The following ANKS6 variants were observed in gnomAD, a reference collection of about 807,000 sequenced individuals.
The protein encoded by ANKS6 is ankyrin repeat and sterile alpha motif domain containing 6, also known as ankyrin repeat and SAM domain-containing protein 6.
ANKS6 carries 47 observed loss-of-function variants against 77.9 expected under a neutral mutation model. The observed-to-expected ratio is 0.60, with a 90% confidence interval of 0.48 to 0.77. The LOEUF is 0.77. Among genes scored for constraint, ANKS6 ranks in the 30% least tolerant of loss-of-function variants. The pLI, the probability that ANKS6 is intolerant of heterozygous loss-of-function variation, is 0.00. For synonymous variants in ANKS6, 488 were observed against 501.7 expected (o/e 0.97, Z 0.37); for missense variants, 1,150 against 1,159.1 (o/e 0.99, Z 0.11).
At chr9:98,783,110 G>GAAGGAA (rs1834367283) in intron 4 of ANKS6, among the ~76,000 whole-genome samples, 1 of 133,598 alleles carries the variant, frequency 7.5e-6, no homozygotes, top group Non-Finnish European at 1.6e-5. Flanking sequence ...AAAGAGAAGG[G>GAAGGAA]AAGGAAAAGG....
At position 98,736,333 on chromosome 9, in the gene ANKS6, T is replaced by C; in HGVS notation, c.*186A>G. Reference sequence around the variant, plus strand: ...ACTGTTACATGGGAATCTGTCTCTGTGTGTTGAAGTTTGTTGCAGCAAGAA... The same window carrying C: ...ACTGTTACATGGGAATCTGTCTCTGCGTGTTGAAGTTTGTTGCAGCAAGAA... On this transcript the variant is annotated 3_prime_UTR_variant, in exon 15 of 15. Transcript: ENST00000353234. 7.1e-7 allele frequency: 1 copy of C among 1,417,678 alleles called. No individual in the cohort carries two copies. The highest frequency in any genetic ancestry group is 9.2e-7 in the Non-Finnish European group (1 of 1,090,082). The allele number at this position is 1,417,678 out of a possible 1,614,324, so 87.8% of individuals were successfully genotyped here.
intron 13 of ANKS6, among the ~76,000 whole-genome samples, chr9:98,749,513 C>T (rs529358427): frequency 1.3e-5 from 2 of 152,302 alleles, no homozygotes; most frequent in Admixed American, 6.5e-5. Context: ...CAGGTGAACT[C>T]GCAGACATGC....
intron 11 of ANKS6, among the ~76,000 whole-genome samples, chr9:98,766,008 G>A (rs1187445641): frequency 2.0e-5 from 3 of 152,286 alleles, no homozygotes; most frequent in East Asian, 1.9e-4. Context: ...GGACTGGGCT[G>A]GTTCCAACAG....
chr9:98,753,668 T>C (rs191409108), intron 12 of ANKS6, among the ~76,000 whole-genome samples: 1 of 150,750 alleles, frequency 6.6e-6, no homozygotes, highest in Non-Finnish European at 1.5e-5. Flanking sequence ...CCAATTTCCA[T>C]GGTGTAAATA....
intron 13 of ANKS6, among the ~76,000 whole-genome samples, chr9:98,747,907 T>A (rs1473370149): frequency 6.6e-6 from 1 of 152,226 alleles, no homozygotes; most frequent in Admixed American, 6.5e-5. Context: ...CTCCTCCTGA[T>A]GGACTGGCCT....
chr9:98,773,718 C>T (rs1833760937), intron 9 of ANKS6, among the ~76,000 whole-genome samples, 159 bp downstream of exon 9: 1 of 152,062 alleles, frequency 6.6e-6, no homozygotes, highest in East Asian at 1.9e-4. Context: ...CTGAGTTGCT[C>T]TGTAGGGCTT....
At chr9:98,744,427 G>A (rs180914952) in intron 14 of ANKS6, among the ~76,000 whole-genome samples, 1 of 152,180 alleles carries the variant, frequency 6.6e-6, no homozygotes, top group Non-Finnish European at 1.5e-5. Context: ...CGCGTGACCT[G>A]GGCACCATGC....
intron 14 of ANKS6, among the ~76,000 whole-genome samples, chr9:98,737,009 G>A (rs1416468492): frequency 6.6e-6 from 1 of 152,190 alleles, no homozygotes; most frequent in African/African-American, 2.4e-5. Flanking sequence ...GGAGCCAAGT[G>A]TCCTTCTGCT....
Position 98,732,410 on chromosome 9 carries a change from C to A in ANKS6, c.*4109G>T. 2 of 1,369,886 alleles carry A rather than the reference C, an allele frequency of 1.5e-6. No individual in the cohort carries two copies. Among genetic ancestry groups the A allele is most frequent in the Non-Finnish European group, 2.0e-6 (2 of 995,002 alleles). The allele number at this position is 1,369,886 out of a possible 1,614,324, so 84.9% of individuals were successfully genotyped here. ...GCCATGCCAGGAAATCCAGTGACAG[C>A]AAGACCCAGAGTCAGGCACATTTGG... is the stretch of plus-strand genomic sequence containing the variant. On this transcript the variant is annotated 3_prime_UTR_variant, in exon 15 of 15. Coordinates refer to ENST00000353234, the MANE Select transcript of ANKS6 (RefSeq NM_173551.5).
chr9:98,777,518 G>A, intron 7 of ANKS6, 64 bp from the exon 8 acceptor site: 2 of 1,518,520 alleles, frequency 1.3e-6, no homozygotes, highest in South Asian at 2.3e-5. Context: ...AAGGATGAGT[G>A]ACTGGGGCAG....
rs563981295 is a variant in ANKS6 at position 98,784,632 on chromosome 9, T to C, written c.907+200A>G. The stretch of plus-strand genomic sequence containing the variant: ...AGACAGTGTTTGGCTGGAGTGGGGC[T>C]GGAGGCCGTCTGGAGTCTATGTGTA... On this transcript the variant is annotated intron_variant, in intron 3 of 14. Coordinates refer to ENST00000353234, the MANE Select transcript of ANKS6 (RefSeq NM_173551.5). 2.0e-5 allele frequency among the ~76,000 whole-genome samples: 3 copies of C among 152,306 alleles called. No individual in the cohort carries two copies. The East Asian group carries it at 5.8e-4, about 29-fold the overall frequency.
intron 11 of ANKS6, among the ~76,000 whole-genome samples, chr9:98,759,762 C>T (rs974700884): frequency 1.3e-5 from 2 of 152,112 alleles, no homozygotes; most frequent in African/African-American, 4.8e-5. Flanking sequence ...ACACTGCATA[C>T]TCTAACTCAT....
At chr9:98,764,741 T>C (rs556687164) in intron 11 of ANKS6, among the ~76,000 whole-genome samples, 1 of 152,384 alleles carries the variant, frequency 6.6e-6, no homozygotes, top group Admixed American at 6.5e-5. Flanking sequence ...TCCATCTCTC[T>C]ACTAAAATAG....
chr9:98,743,720 T>C (rs1831964030), intron 14 of ANKS6, among the ~76,000 whole-genome samples: 1 of 152,230 alleles, frequency 6.6e-6, no homozygotes, highest in African/African-American at 2.4e-5. Flanking sequence ...TGAAACTGAC[T>C]TCTGTGGCTT....
chr9:98,796,259 C>A lies in ANKS6; in HGVS notation c.233G>T (p.Gly78Val), dbSNP rs1365162900. Reference sequence around the variant, plus strand: ...CGCGGCGAACTGCAGTGCGGTGTTGCCCGCCTCGTCCGAGCAATCCACGGG... The same window carrying A: ...CGCGGCGAACTGCAGTGCGGTGTTGACCGCCTCGTCCGAGCAATCCACGGG... ...PVPVDCSDEA[G>V]NTALQFAAAG... Residue 78 changes from glycine to valine, a missense_variant, in exon 1 of 15, where the codon GGC becomes GTC. Physicochemically the swap from Gly to Val is moderately radical, Grantham distance 109. Coordinates refer to ENST00000353234, the MANE Select transcript of ANKS6 (RefSeq NM_173551.5). 5.9e-6 allele frequency: 8 copies of A among 1,366,030 alleles called. No homozygotes were observed. Among genetic ancestry groups the A allele is most frequent in the Non-Finnish European group, 7.6e-6 (8 of 1,054,326 alleles). The allele number at this position is 1,366,030 out of a possible 1,614,324, so 84.6% of individuals were successfully genotyped here. A position where few individuals can be genotyped will look rare whatever the true frequency, so the allele number is the denominator to read the frequency against.
In ANKS6 at chr9:98,768,001, T is replaced by C. The variant is rs543305200; in HGVS notation, c.2142+80A>G. On this transcript the variant is annotated intron_variant, in intron 11 of 14. Transcript: ENST00000353234. ...TAGTCCTGTCCCATGACTAAGGCAC[T>C]GCCCATGCTTCCCGGCAAGTGGCCC... is the stretch of plus-strand genomic sequence containing the variant. The C allele has an allele frequency of 3.3e-4, 497 of 1,502,022 alleles. 2 individuals are homozygous for C. In the African/African-American group the frequency reaches 6.6e-3, roughly 20 times the overall value. The allele number at this position is 1,502,022 out of a possible 1,614,324, so 93.0% of individuals were successfully genotyped here.
chr9:98,773,926 G>A lies in ANKS6; in HGVS notation c.1772C>T (p.Pro591Leu), dbSNP rs116621934. Residue 591 changes from proline to leucine, a missense_variant, in exon 9 of 15, where the codon CCC becomes CTC. Transcript: ENST00000353234. ...GKADPMKTALPQRASRGHPVG... is the reference protein window; with the variant it reads ...GKADPMKTALLQRASRGHPVG... ...GGGGTGGCCCCTGCTGGCTCTCTGG[G>A]GCAGCGCAGTCTTCATGGGGTCTGC... 2 of 1,597,604 alleles carry A rather than the reference G, an allele frequency of 1.3e-6. No individual in the cohort carries two copies. Among genetic ancestry groups the A allele is most frequent in the East Asian group, 2.3e-5 (1 of 43,826 alleles).
intron 11 of ANKS6, among the ~76,000 whole-genome samples, chr9:98,760,762 T>A (rs1832962078): frequency 2.0e-5 from 3 of 152,018 alleles, no homozygotes; most frequent in Admixed American, 2.0e-4. Context: ...TGTTCTATTA[T>A]TACATGAATG....
chr9:98,773,645 C>T (rs985304713), intron 9 of ANKS6, among the ~76,000 whole-genome samples: 8 of 152,168 alleles, frequency 5.3e-5, no homozygotes, highest in Non-Finnish European at 8.8e-5. Flanking sequence ...CCTTGGAGAT[C>T]TAGGGTTCCA....
Sources: gnomAD v4.1 joint callset for allele counts (sites outside exome capture counted in the v4.1 genomes callset) on GRCh38, gnomAD v4.1.1 for gene constraint, MANE v1.5 for transcripts, NCBI Gene and HGNC (gene_info 2026-07-23, HGNC 2026-07-21) for gene names.